The following CADPS2 variants were observed in gnomAD, a reference collection of about 807,000 sequenced individuals.
The protein encoded by CADPS2 is calcium dependent secretion activator 2.
A neutral mutation model predicts 172.5 loss-of-function variants in CADPS2; 93 were observed. The observed-to-expected ratio is 0.54, with a 90% CI of 0.46 to 0.64. The LOEUF (loss-of-function observed/expected upper bound fraction) is 0.64. Among genes scored for constraint, CADPS2 ranks in the 30% least tolerant of loss-of-function variants. The pLI, the probability that CADPS2 is intolerant of heterozygous loss-of-function variation, is 0.00. For missense variants in CADPS2, 1,420 were observed against 1,565.9 expected (o/e 0.91, Z 1.57); for synonymous variants, 546 against 555.2 (o/e 0.98, Z 0.23).
At chr7:122,386,942 A>T (rs1238959607) in intron 24 of CADPS2, 84 bp downstream of exon 24, 2 of 1,415,326 alleles carry the variant, frequency 1.4e-6, no homozygotes, top group Non-Finnish European at 1.9e-6. Flanking sequence ...TTTCAATCCA[A>T]TCAAGAGAAT....
chr7:122,815,630 A>C (rs751868122), intron 1 of CADPS2, among the ~76,000 whole-genome samples: 4 of 152,198 alleles, frequency 2.6e-5, no homozygotes, highest in Non-Finnish European at 5.9e-5. Context: ...AAAAAAATTC[A>C]AAATATATTG....
intron 28 of CADPS2, among the ~76,000 whole-genome samples, chr7:122,333,599 T>C (rs1025495935): frequency 1.3e-5 from 2 of 152,222 alleles, no homozygotes; most frequent in African/African-American, 4.8e-5. Flanking sequence ...TGTCAGCCTT[T>C]AAGACTCAGC....
chr7:122,638,559 C>G (rs11760643), intron 3 of CADPS2, among the ~76,000 whole-genome samples: 30,993 of 152,198 alleles, frequency 0.2, 3,948 homozygotes, highest in Middle Eastern at 0.3. Flanking sequence ...GCACCTCAAC[C>G]AGGCTGTTCC....
At chr7:122,424,292 T>C (rs1021032961) in intron 17 of CADPS2, 33 of 969,708 alleles carry the variant, frequency 3.4e-5, no homozygotes, top group South Asian at 1.4e-4. Context: ...TTTGGAATAA[T>C]TGTTCTGTCA....
chr7:122,871,102 AAGAT>A (rs957436321), intron 1 of CADPS2, among the ~76,000 whole-genome samples: 5 of 151,910 alleles, frequency 3.3e-5, no homozygotes, highest in African/African-American at 1.2e-4. Context: ...ATAGGGTCCT[AAGAT>A]AGAAAACTGA....
At chr7:122,655,884 T>C (rs1035372475) in intron 3 of CADPS2, among the ~76,000 whole-genome samples, 1 of 152,156 alleles carries the variant, frequency 6.6e-6, no homozygotes, top group Non-Finnish European at 1.5e-5. Context: ...AAAGAAACTA[T>C]AGTTTTAGTT....
chr7:122,877,046 G>A (rs1347061845), intron 1 of CADPS2, among the ~76,000 whole-genome samples: 1 of 151,852 alleles, frequency 6.6e-6, no homozygotes, highest in Non-Finnish European at 1.5e-5. Flanking sequence ...AGGAAACTCA[G>A]ACTCAAAGGT....
chr7:122,830,714 A>G (rs1413789120), intron 1 of CADPS2, among the ~76,000 whole-genome samples: 1 of 152,192 alleles, frequency 6.6e-6, no homozygotes, highest in Non-Finnish European at 1.5e-5. Context: ...AAAGCAAACA[A>G]TCTGTGGACT....
At chr7:122,729,930 C>A (rs2091488226) in intron 2 of CADPS2, among the ~76,000 whole-genome samples, 1 of 151,606 alleles carries the variant, frequency 6.6e-6, no homozygotes. Context: ...GATTTATAAT[C>A]ATGAAAACAG....
chr7:122,874,409 C>T (rs1009571297), intron 1 of CADPS2, among the ~76,000 whole-genome samples: 3 of 152,162 alleles, frequency 2.0e-5, no homozygotes, highest in Non-Finnish European at 4.4e-5. Flanking sequence ...GAAAAACATT[C>T]CATGCTCATG....
intron 2 of CADPS2, among the ~76,000 whole-genome samples, chr7:122,664,732 C>A (rs1177421638): frequency 6.6e-6 from 1 of 152,136 alleles, no homozygotes; most frequent in Non-Finnish European, 1.5e-5. Flanking sequence ...TTTAATAGAA[C>A]CTCCATAAAT....
At chr7:122,723,308 T>G (rs1321617029) in intron 2 of CADPS2, among the ~76,000 whole-genome samples, 1 of 151,998 alleles carries the variant, frequency 6.6e-6, no homozygotes, top group Non-Finnish European at 1.5e-5. Flanking sequence ...ATCCAGAGTC[T>G]ACAAAGAACT....
chr7:122,356,168 T>G (rs1585223855), intron 27 of CADPS2, among the ~76,000 whole-genome samples: 1 of 152,216 alleles, frequency 6.6e-6, no homozygotes, highest in South Asian at 2.1e-4. Context: ...GATACCACGT[T>G]ACATTTAGTA....
At chr7:122,742,794 T>C (rs1165737319) in intron 1 of CADPS2, among the ~76,000 whole-genome samples, 2 of 152,202 alleles carry the variant, frequency 1.3e-5, no homozygotes, top group Non-Finnish European at 2.9e-5. Flanking sequence ...TCTGATTCCT[T>C]CACCTGATGA....
At chr7:122,652,822 T>G (rs1468293369) in intron 3 of CADPS2, among the ~76,000 whole-genome samples, 1 of 152,226 alleles carries the variant, frequency 6.6e-6, no homozygotes, top group East Asian at 1.9e-4. Context: ...TTTTTATGTT[T>G]TCTTGATAAC....
intron 2 of CADPS2, among the ~76,000 whole-genome samples, chr7:122,668,177 T>C (rs2430030): frequency 0.49 from 74,891 of 151,774 alleles, 18,853 homozygotes; most frequent in East Asian, 0.74. Flanking sequence ...ATTTGGGAAA[T>C]AGAATGAATG....
At position 122,715,673 on chromosome 7, in the gene CADPS2, A is replaced by C. The variant is rs953221013; in HGVS notation, c.453+21282T>G. The stretch of plus-strand genomic sequence containing the variant: ...TTCTATGGTCAAAATTCTCACAGAC[A>C]CAAGGCTTAAAACCTCTCAACACAA... On this transcript the variant is annotated intron_variant, in intron 2 of 29. Coordinates refer to ENST00000449022, the MANE Select transcript of CADPS2 (RefSeq NM_017954.11). 4.6e-5 allele frequency among the ~76,000 whole-genome samples: 7 copies of C among 152,130 alleles called. No individual in the cohort carries two copies. In the South Asian group the frequency reaches 1.5e-3, roughly 32 times the overall value.
At chr7:122,640,033 T>G (rs990612369) in intron 3 of CADPS2, among the ~76,000 whole-genome samples, 9 of 152,174 alleles carry the variant, frequency 5.9e-5, no homozygotes, top group Non-Finnish European at 2.9e-5. Flanking sequence ...AAGCCCAGAA[T>G]AGAATCTCAA....
rs141984804 is a variant in CADPS2, at chr7:122,651,706, C to T, written c.786+11531G>A. ...GACACTCGGGTAAATCTGGGTGAGTCGCTTTCTTCAGTTAATGGAATGAGA... is the reference window on the plus strand; with the variant it reads ...GACACTCGGGTAAATCTGGGTGAGTTGCTTTCTTCAGTTAATGGAATGAGA... On this transcript the variant is annotated intron_variant, in intron 3 of 29. Transcript: ENST00000449022. 2.6e-3 allele frequency among the ~76,000 whole-genome samples: 393 copies of T among 151,908 alleles called. 6 individuals carry two copies. In the East Asian group the frequency reaches 0.045, roughly 17 times the overall value.
Sources: gnomAD v4.1 joint callset for allele counts (sites outside exome capture counted in the v4.1 genomes callset) on GRCh38, gnomAD v4.1.1 for gene constraint, MANE v1.5 for transcripts, NCBI Gene and HGNC (gene_info 2026-07-23, HGNC 2026-07-21) for gene names.